The following MPP2 variants were observed in gnomAD, a reference collection of about 807,000 sequenced individuals.
MPP2 encodes MAGUK p55 scaffold protein 2.
A neutral mutation model predicts 58.5 loss-of-function variants in MPP2; 42 were observed. That is an observed-to-expected ratio of 0.72 (90% confidence interval 0.56 to 0.93). The LOEUF (loss-of-function observed/expected upper bound fraction) is 0.93. Among genes scored for constraint, MPP2 ranks in the 40% least tolerant of loss-of-function variants. The pLI is 0.00. For missense variants in MPP2, 632 were observed against 760.4 expected, an observed-to-expected ratio of 0.83 and a Z score of 1.99; for synonymous variants, 300 against 307.8, an observed-to-expected ratio of 0.97 and a Z score of 0.26.
chr17:43,892,988 ATGGATGGATGGATGGATG>A (rs2047673201), intron 3 of MPP2, among the ~76,000 whole-genome samples: 1 of 1,006 alleles, frequency 9.9e-4, no homozygotes, highest in African/African-American at 3.1e-3. Flanking sequence ...TATTTGATGG[ATGGATGGATGGATGGATG>A]GATGGATGGA....
At chr17:43,900,723 C>G in intron 2 of MPP2, 1 of 1,252,582 alleles carries the variant, frequency 8.0e-7, no homozygotes, top group Middle Eastern at 2.9e-4. Flanking sequence ...TGGCTAAAGC[C>G]CTGACTGGCG....
At chr17:43,881,865 C>T (rs2047140495) in intron 6 of MPP2, among the ~76,000 whole-genome samples, 1 of 152,140 alleles carries the variant, frequency 6.6e-6, no homozygotes, top group Admixed American at 6.5e-5. Context: ...CTCCACTCAC[C>T]CTCTCCCCTT....
Position 43,880,957 on chromosome 17 carries a change from G to A in MPP2, c.989-105C>T. On this transcript the variant is annotated intron_variant, in intron 9 of 12. Transcript: ENST00000269095. The surrounding 1 kb of genome is among the most constrained non-coding windows in gnomAD (Gnocchi z 5.2). ...AGGGCTTGGAACAGGGGAGCAGGGG[G>A]GAGTCGGGCAGGGCCTAGGGACACG... 3 of 1,526,024 alleles carry A rather than the reference G, an allele frequency of 2.0e-6. No homozygotes were observed. Among genetic ancestry groups the A allele is most frequent in the East Asian group, 2.3e-5 (1 of 44,398 alleles). 94.5% of individuals were successfully genotyped at this position (1,526,024 alleles called of 1,614,324 possible).
intron 2 of MPP2, among the ~76,000 whole-genome samples, chr17:43,901,017 C>A (rs565739377): frequency 2.0e-5 from 3 of 152,228 alleles, no homozygotes; most frequent in Non-Finnish European, 2.9e-5. Flanking sequence ...CTCTAATACA[C>A]CCCATGCCAC....
In MPP2 at chr17:43,876,563, G is replaced by A. The variant is rs2046837994; in HGVS notation, c.*1244C>T. On this transcript the variant is annotated 3_prime_UTR_variant, in exon 13 of 13. Transcript: ENST00000269095. ...GGTATTATAAGAAATGAGGGCTGAT[G>A]GGGAACCCCCAGAAAGGGGCCCCAA... 5 of 152,324 alleles carry A rather than the reference G, an allele frequency of 3.3e-5. 1 individual carries two copies. The South Asian group carries it at 1.0e-3, about 32-fold the overall frequency. The allele number at this position is 152,324 out of a possible 1,614,324, so 9.4% of individuals were successfully genotyped here. A position where few individuals can be genotyped will look rare whatever the true frequency, so the allele number is the denominator to read the frequency against.
At chr17:43,909,643 T>C (rs1372753564), upstream of MPP2, 16 of 1,436,344 alleles carry the variant, frequency 1.1e-5, no homozygotes, top group Non-Finnish European at 1.5e-5. Flanking sequence ...GCCCAACTCA[T>C]TATTCTTAGC....
Position 43,882,988 on chromosome 17 carries a change from C to T in MPP2, c.368G>A (p.Gly123Asp), listed in dbSNP as rs1159072454. The T allele has an allele frequency of 2.5e-6, 4 of 1,613,940 alleles. No homozygotes were observed. The highest frequency in any genetic ancestry group is 3.4e-6 in the Non-Finnish European group (4 of 1,179,986). ...KTYETPPPSP[G>D]LDPTFSNQPV... ...CTGGTTGCTGAATGTAGGGTCCAGGCCAGGGCTGGGGGGTGGTGTCTCATA... is the reference window on the plus strand; with the variant it reads ...CTGGTTGCTGAATGTAGGGTCCAGGTCAGGGCTGGGGGGTGGTGTCTCATA... The change falls in exon 5 of 13, where the codon GGC becomes GAC. Residue 123 changes from glycine (G) to aspartate (D), a missense_variant. Transcript: ENST00000269095.
chr17:43,890,995 CGAT>C (rs1567891819), intron 3 of MPP2, among the ~76,000 whole-genome samples: 4 of 152,288 alleles, frequency 2.6e-5, no homozygotes, highest in African/African-American at 9.6e-5. Flanking sequence ...CGACACAGCA[CGAT>C]GGTTTGTTAC....
chr17:43,898,396 G>A lies in MPP2; in HGVS notation c.32-16C>T. ...TGCTGCATGGCTGGGGGAAGGTACG[G>A]GCAGTGAGATACACAGGTACCAGCT... On this transcript the variant is annotated splice_polypyrimidine_tract_variant and intron_variant, in intron 2 of 12. Transcript: ENST00000269095. The A allele has an allele frequency of 6.3e-7, 1 of 1,587,108 alleles. No individual in the cohort carries two copies. Among genetic ancestry groups the A allele is most frequent in the Non-Finnish European group, 8.7e-7 (1 of 1,155,822 alleles).
chr17:43,907,500 G>C lies in MPP2; in HGVS notation c.-60C>G, dbSNP rs370571401. On this transcript the variant is annotated 5_prime_UTR_variant, in exon 1 of 13. Coordinates refer to ENST00000269095, the MANE Select transcript of MPP2 (RefSeq NM_005374.5). Reference sequence around the variant, plus strand: ...TGCGCCCCGGGAAGCCCCTAGCTCCGGGCGGCTCCAGCGCAGCCGGGCGCT... The same window carrying C: ...TGCGCCCCGGGAAGCCCCTAGCTCCCGGCGGCTCCAGCGCAGCCGGGCGCT... The C allele has an allele frequency of 4.4e-4, 433 of 985,508 alleles. 4 individuals carry two copies. The South Asian group carries it at 0.017, about 39-fold the overall frequency. The allele number at this position is 985,508 out of a possible 1,614,324, so 61.0% of individuals were successfully genotyped here. A position where few individuals can be genotyped will look rare whatever the true frequency, so the allele number is the denominator to read the frequency against.
intron 3 of MPP2, among the ~76,000 whole-genome samples, chr17:43,896,264 T>C (rs1325888929): frequency 1.3e-5 from 2 of 152,036 alleles, no homozygotes; most frequent in East Asian, 1.9e-4. Flanking sequence ...TAGCCCTACA[T>C]GCCAATAGGT....
chr17:43,908,753 G>C (rs888864548), upstream of MPP2, among the ~76,000 whole-genome samples: 17 of 152,154 alleles, frequency 1.1e-4, no homozygotes, highest in African/African-American at 3.9e-4. Flanking sequence ...CTGGAAACTT[G>C]CTTGGAAATC....
chr17:43,896,435 G>A (rs1341349823), intron 3 of MPP2, among the ~76,000 whole-genome samples: 1 of 151,780 alleles, frequency 6.6e-6, no homozygotes, highest in African/African-American at 2.4e-5. Flanking sequence ...CTCTGACCTT[G>A]GTCTTTTTCT....
intron 3 of MPP2, among the ~76,000 whole-genome samples, chr17:43,891,412 G>A (rs554506650): frequency 1.3e-5 from 2 of 151,996 alleles, no homozygotes; most frequent in Non-Finnish European, 2.9e-5. Context: ...CTACTCGGGA[G>A]GCTGAGGCAG....
Position 43,881,442 on chromosome 17 carries a change from G to C in MPP2, c.813+16C>G. The C allele has an allele frequency of 6.2e-7, 1 of 1,614,014 alleles. No homozygotes were observed. Among genetic ancestry groups the C allele is most frequent in the Non-Finnish European group, 8.5e-7 (1 of 1,179,958 alleles). On this transcript the variant is annotated intron_variant, in intron 7 of 12. Coordinates refer to ENST00000269095, the MANE Select transcript of MPP2 (RefSeq NM_005374.5). ...TGCACCATACCTGGAGAGATGCGGGGGTGCCCGCAGCTCACCTGCCACCAG... is the reference window on the plus strand; with the variant it reads ...TGCACCATACCTGGAGAGATGCGGGCGTGCCCGCAGCTCACCTGCCACCAG...
At chr17:43,900,609 T>C in intron 2 of MPP2, 1 of 1,485,232 alleles carries the variant, frequency 6.7e-7, no homozygotes, top group Non-Finnish European at 9.0e-7. Context: ...GTCTACCGCC[T>C]CCCCAGCCAA....
rs559152812 is a variant in MPP2, at chr17:43,901,566, T to C, written c.31+2864A>G. The C allele has an allele frequency of 1.1e-5, 11 of 985,350 alleles. No homozygotes were observed. In the African/African-American group the frequency reaches 1.6e-4, roughly 14 times the overall value. The allele number at this position is 985,350 out of a possible 1,614,324, so 61.0% of individuals were successfully genotyped here. A position where few individuals can be genotyped will look rare whatever the true frequency, so the allele number is the denominator to read the frequency against. ...CCCTGAGGAGTGGCACCAGGTCGCA[T>C]TGCACCCCTGGTTGCCATGACAGTA... On this transcript the variant is annotated intron_variant, in intron 2 of 12. Transcript: ENST00000269095.
chr17:43,907,999 G>A, upstream of MPP2: 26 of 984,532 alleles, frequency 2.6e-5, no homozygotes, highest in Non-Finnish European at 3.1e-5. Context: ...GAAGGCCTCG[G>A]GATCAGGGGC....
rs1278744807 is a variant in MPP2 at position 43,877,556 on chromosome 17, C to G, written c.*251G>C. ...ACATTCCTGGGCATAGCTTGGCCCT[C>G]AGAGATATCTGGTGACCAATGGGCA... On this transcript the variant is annotated 3_prime_UTR_variant, in exon 13 of 13. Coordinates refer to ENST00000269095, the MANE Select transcript of MPP2 (RefSeq NM_005374.5). 1.9e-6 allele frequency: 1 copy of G among 513,194 alleles called. No homozygotes were observed. Among genetic ancestry groups the G allele is most frequent in the Non-Finnish European group, 3.5e-6 (1 of 282,912 alleles). 31.8% of individuals were successfully genotyped at this position (513,194 alleles called of 1,614,324 possible).
Sources: gnomAD v4.1 joint callset for allele counts (sites outside exome capture counted in the v4.1 genomes callset) on GRCh38, gnomAD v4.1.1 for gene constraint, Gnocchi (gnomAD v3.1) non-coding constraint, MANE v1.5 for transcripts, NCBI Gene and HGNC (gene_info 2026-07-23, HGNC 2026-07-21) for gene names.